Variants in GALNT18 observed in about 807,000 individuals in gnomAD.
GALNT18 encodes polypeptide N-acetylgalactosaminyltransferase 18, also known as GalNAc-transferase 18.
Under a neutral mutation model 69.5 loss-of-function variants are expected in GALNT18, and 44 were observed. The observed-to-expected ratio is 0.63, with a 90% CI of 0.50 to 0.81. GALNT18 has a LOEUF of 0.81. Ranked by LOEUF, GALNT18 falls within the 40% of genes least tolerant of loss-of-function variation. The pLI, the probability that GALNT18 is intolerant of heterozygous loss-of-function variation, is 0.00. For missense variants in GALNT18, 715 were observed against 810.0 expected, an observed-to-expected ratio of 0.88 and a Z score of 1.42; for synonymous variants, 364 against 318.2, an observed-to-expected ratio of 1.14 and a Z score of -1.53.
At chr11:11,364,540 C>T (rs1023843380) in intron 6 of GALNT18, among the ~76,000 whole-genome samples, 17 of 145,394 alleles carry the variant, frequency 1.2e-4, no homozygotes, top group African/African-American at 2.8e-4. Context: ...TCTTCAAAAA[C>T]GAAATTACAA....
At chr11:11,362,861 A>G (rs761404404) in intron 6 of GALNT18, among the ~76,000 whole-genome samples, 5 of 152,212 alleles carry the variant, frequency 3.3e-5, no homozygotes, top group Admixed American at 1.3e-4. Context: ...AAGATAACCA[A>G]TAAAAATATG....
intron 3 of GALNT18, among the ~76,000 whole-genome samples, chr11:11,428,882 C>T (rs947718273): frequency 2.6e-5 from 4 of 152,160 alleles, no homozygotes; most frequent in Admixed American, 1.3e-4. Flanking sequence ...GTCGTGTTCC[C>T]ATCGTGTGTG....
At chr11:11,401,472 C>A (rs893665922) in intron 3 of GALNT18, among the ~76,000 whole-genome samples, 8 of 152,138 alleles carry the variant, frequency 5.3e-5, no homozygotes, top group African/African-American at 1.9e-4. Flanking sequence ...CCTAGAGGCT[C>A]AGGTCTTGGC....
chr11:11,574,038 T>C lies in GALNT18; in HGVS notation c.235+47321A>G, dbSNP rs114008202. Among the ~76,000 whole-genome samples, 860 of 152,276 alleles carry C rather than the reference T, an allele frequency of 5.6e-3. 12 individuals are homozygous for C. The highest frequency in any genetic ancestry group is 0.02 in the African/African-American group (828 of 41,554). On this transcript the variant is annotated intron_variant, in intron 1 of 10. Coordinates refer to ENST00000227756, the MANE Select transcript of GALNT18 (RefSeq NM_198516.3). ...GGCCCCTGAGCCTGAGCTTTCCACA[T>C]GACACTGTAGCATCTTTCAACAATC...
chr11:11,610,309 T>C (rs987962463), intron 1 of GALNT18, among the ~76,000 whole-genome samples: 1 of 152,208 alleles, frequency 6.6e-6, no homozygotes, highest in Non-Finnish European at 1.5e-5. Flanking sequence ...CTTTTATCTG[T>C]TACTAGCAGC....
At chr11:11,358,050 A>C (rs1366568194) in intron 6 of GALNT18, among the ~76,000 whole-genome samples, 1 of 152,044 alleles carries the variant, frequency 6.6e-6, no homozygotes, top group Non-Finnish European at 1.5e-5. Context: ...CTTCTCTGAG[A>C]CTGTGGGATC....
At chr11:11,553,979 G>C (rs550419009) in intron 1 of GALNT18, among the ~76,000 whole-genome samples, 1 of 152,294 alleles carries the variant, frequency 6.6e-6, no homozygotes, top group South Asian at 2.1e-4. Context: ...ATTATACATT[G>C]ATTACTGCTC....
intron 1 of GALNT18, among the ~76,000 whole-genome samples, chr11:11,570,348 G>A (rs946770563): frequency 2.0e-5 from 3 of 152,208 alleles, no homozygotes; most frequent in Non-Finnish European, 4.4e-5. Flanking sequence ...CCCTGGCTGG[G>A]CTTGCACTGT....
intron 3 of GALNT18, among the ~76,000 whole-genome samples, chr11:11,388,465 C>G (rs1854104545): frequency 6.6e-6 from 1 of 152,244 alleles, no homozygotes; most frequent in South Asian, 2.1e-4. Flanking sequence ...TTAACACAGT[C>G]TCCCTTTCTT....
At chr11:11,360,666 T>G (rs1474828695) in intron 6 of GALNT18, among the ~76,000 whole-genome samples, 1 of 152,178 alleles carries the variant, frequency 6.6e-6, no homozygotes, top group Non-Finnish European at 1.5e-5. Flanking sequence ...TTTTTCTTGG[T>G]GGTAATGATT....
At chr11:11,441,102 T>C (rs1342519971) in intron 2 of GALNT18, among the ~76,000 whole-genome samples, 1 of 152,228 alleles carries the variant, frequency 6.6e-6, no homozygotes, top group African/African-American at 2.4e-5. Flanking sequence ...ATTCTGCAGT[T>C]GTGATCTGAG....
intron 1 of GALNT18, among the ~76,000 whole-genome samples, chr11:11,526,483 T>C (rs1461690555): frequency 1.3e-5 from 2 of 152,244 alleles, no homozygotes; most frequent in African/African-American, 2.4e-5. Context: ...TAGTTATTCA[T>C]GGAAGTAATA....
chr11:11,307,669 T>G (rs1473629166), intron 9 of GALNT18, among the ~76,000 whole-genome samples: 1 of 152,172 alleles, frequency 6.6e-6, no homozygotes, highest in East Asian at 1.9e-4. Context: ...TGAAGTGTTC[T>G]TCTCTGCCTT....
intron 3 of GALNT18, among the ~76,000 whole-genome samples, chr11:11,426,869 C>T (rs1855145062): frequency 6.6e-6 from 1 of 152,128 alleles, no homozygotes; most frequent in African/African-American, 2.4e-5. Context: ...AAGAACATTC[C>T]AGGTGGAGAA....
At chr11:11,493,047 G>A (rs950695813) in intron 1 of GALNT18, among the ~76,000 whole-genome samples, 1 of 152,028 alleles carries the variant, frequency 6.6e-6, no homozygotes, top group Non-Finnish European at 1.5e-5. Context: ...CAGATCACAA[G>A]GTCAGGAGTT....
chr11:11,548,248 T>C (rs1411803366), intron 1 of GALNT18, among the ~76,000 whole-genome samples: 3 of 152,228 alleles, frequency 2.0e-5, no homozygotes, highest in African/African-American at 7.2e-5. Context: ...GCTGCAAAAG[T>C]GAGCACAGGC....
intron 3 of GALNT18, among the ~76,000 whole-genome samples, chr11:11,423,950 G>A (rs1855069462): frequency 6.6e-6 from 1 of 152,218 alleles, no homozygotes; most frequent in South Asian, 2.1e-4. Context: ...GGGGGCGCCT[G>A]GTCAGGACTC....
chr11:11,392,875 T>C (rs1854228370), intron 3 of GALNT18, among the ~76,000 whole-genome samples: 1 of 152,214 alleles, frequency 6.6e-6, no homozygotes, highest in South Asian at 2.1e-4. Flanking sequence ...CTAAGATTTT[T>C]TCCTAAAGTC....
Position 11,463,735 on chromosome 11 carries a change from G to A in GALNT18, c.236-14799C>T, listed in dbSNP as rs1352744220. Reference sequence around the variant, plus strand: ...GGATAGGGAAAGGCTTTGAATCCACGTCAAAGAAGCCATCAAAGGAAATAG... The same window carrying A: ...GGATAGGGAAAGGCTTTGAATCCACATCAAAGAAGCCATCAAAGGAAATAG... On this transcript the variant is annotated intron_variant, in intron 1 of 10. Coordinates refer to ENST00000227756, the MANE Select transcript of GALNT18 (RefSeq NM_198516.3). This position sits in a 1 kb window ranked among gnomAD's most constrained non-coding sequence, Gnocchi z 4.2. Among the ~76,000 whole-genome samples the A allele has an allele frequency of 2.6e-5, 4 of 152,174 alleles. No homozygotes were observed. The highest frequency in any genetic ancestry group is 2.1e-4 in the South Asian group (1 of 4,830).
Sources: gnomAD v4.1 joint callset for allele counts (sites outside exome capture counted in the v4.1 genomes callset) on GRCh38, gnomAD v4.1.1 for gene constraint, Gnocchi (gnomAD v3.1) non-coding constraint, MANE v1.5 for transcripts, NCBI Gene and HGNC (gene_info 2026-07-23, HGNC 2026-07-21) for gene names.